Variants in AHRR observed in about 807,000 individuals in gnomAD.
AHRR encodes the protein aryl hydrocarbon receptor repressor.
Under a neutral mutation model 44.0 loss-of-function variants are expected in AHRR, and 28 were observed. That is an observed-to-expected ratio of 0.64 (90% CI 0.47 to 0.87). The LOEUF (loss-of-function observed/expected upper bound fraction) is 0.87. Ranked by LOEUF, AHRR falls within the 40% of genes least tolerant of loss-of-function variation. The probability of loss-of-function intolerance (pLI) is 0.00; values close to 1 mark genes in which losing one functional copy is unlikely to be tolerated. For synonymous variants in AHRR, 434 were observed against 407.0 expected (o/e 1.07, Z -0.80); for missense variants, 990 against 953.9 (o/e 1.04, Z -0.50).
chr5:327,016 G>C (rs1053582959), intron 1 of AHRR, among the ~76,000 whole-genome samples: 1 of 152,182 alleles, frequency 6.6e-6, no homozygotes, highest in Non-Finnish European at 1.5e-5. Context: ...CTGAGATTGA[G>C]CCATTGCACT....
chr5:336,120 T>C (rs1742110661), intron 1 of AHRR, among the ~76,000 whole-genome samples: 1 of 152,238 alleles, frequency 6.6e-6, no homozygotes, highest in Non-Finnish European at 1.5e-5. Context: ...ACCCAGGGCA[T>C]GTTCCCTCCT....
rs1365832924 is a variant in AHRR at position 344,418 on chromosome 5, GCGGTA to G, written c.62+455_62+459del. Among the ~76,000 whole-genome samples, 21 of 33,944 alleles carry G rather than the reference GCGGTA, an allele frequency of 6.2e-4. 4 individuals are homozygous for G. The highest frequency in any genetic ancestry group is 9.2e-4 in the African/African-American group (6 of 6,548). The allele number at this position is 33,944 out of a possible 152,430, so 22.3% of individuals were successfully genotyped here. ...GGTGGGGAGGGCTGCGGGGGTGTGT[GCGGTA>G]TGTGTGAGGCTGTGGGGGGCTGTGT... On this transcript the variant is annotated intron_variant, in intron 2 of 10. Transcript: ENST00000684583.
At position 343,498 on chromosome 5, in the gene AHRR, C is replaced by G. The variant is rs112027543; in HGVS notation, c.-10-395C>G. ...GACGGGAACACGGGATCCCGCGTGA[C>G]GAGTGTTTGGAGGCTGCAGGCTGCC... On this transcript the variant is annotated intron_variant, in intron 1 of 10. Coordinates refer to ENST00000684583, the MANE Select transcript of AHRR (RefSeq NM_001377236.1). The G allele has an allele frequency of 7.5e-4, 180 of 239,702 alleles. 2 individuals carry two copies. Among genetic ancestry groups the G allele is most frequent in the Non-Finnish European group, 1.8e-4 (23 of 127,960 alleles). 14.8% of individuals were successfully genotyped at this position (239,702 alleles called of 1,614,324 possible).
chr5:361,697 A>C (rs550199213), intron 3 of AHRR, among the ~76,000 whole-genome samples: 13 of 152,052 alleles, frequency 8.5e-5, no homozygotes, highest in Non-Finnish European at 1.6e-4. Context: ...CTCTCTTCCT[A>C]CTGGGTCCTG....
At chr5:433,642 GC>G (rs1337699957) in intron 10 of AHRR, among the ~76,000 whole-genome samples, 6 of 152,242 alleles carry the variant, frequency 3.9e-5, no homozygotes, top group Admixed American at 3.3e-4. Flanking sequence ...TTCCTCACTC[GC>G]CCCAGGCACG....
chr5:416,465 G>A (rs1053866653), intron 5 of AHRR, among the ~76,000 whole-genome samples: 6 of 152,260 alleles, frequency 3.9e-5, no homozygotes, highest in Non-Finnish European at 5.9e-5. Context: ...TTGACACCAC[G>A]TGACCACAGG....
intron 4 of AHRR, chr5:403,639 G>GA (rs34565085): frequency 0.65 from 211,532 of 327,440 alleles, 56,058 homozygotes; most frequent in African/African-American, 0.91. Flanking sequence ...CTCCGTTTCA[G>GA]AAAAAAAAAA....
Position 337,145 on chromosome 5 carries a change from A to G in AHRR, c.-10-6748A>G, listed in dbSNP as rs928449411. ...ATATTTTACAAAAATAGAGAAAATT[A>G]TACAAAGAGCTCAATTTTTTCATCA... On this transcript the variant is annotated intron_variant, in intron 1 of 10. Transcript: ENST00000684583. The surrounding 1 kb of genome is among the most constrained non-coding windows in gnomAD (Gnocchi z 4.1). 2.0e-5 allele frequency among the ~76,000 whole-genome samples: 3 copies of G among 152,216 alleles called. No individual in the cohort carries two copies. Among genetic ancestry groups the G allele is most frequent in the Non-Finnish European group, 2.9e-5 (2 of 68,048 alleles).
chr5:332,637 C>T (rs1447503126), intron 1 of AHRR, among the ~76,000 whole-genome samples: 1 of 152,174 alleles, frequency 6.6e-6, no homozygotes, highest in East Asian at 1.9e-4. Flanking sequence ...AAGAACGTAT[C>T]TTCTGCAGTT....
intron 3 of AHRR, among the ~76,000 whole-genome samples, chr5:356,727 G>C (rs370919598): frequency 9.4e-3 from 4 of 424 alleles, no homozygotes; most frequent in Non-Finnish European, 0.011. Flanking sequence ...GCGCCCGGGA[G>C]TGGAGGCCCT....
intron 4 of AHRR, among the ~76,000 whole-genome samples, chr5:402,491 A>C (rs71597639): frequency 4.6e-5 from 5 of 108,034 alleles, no homozygotes; most frequent in South Asian, 2.9e-4. Context: ...AGAGAAGGGG[A>C]CCCTCGTGCA....
chr5:427,781 C>T, intron 7 of AHRR, 26 bp from the exon 8 acceptor site: 1 of 1,612,866 alleles, frequency 6.2e-7, no homozygotes, highest in Non-Finnish European at 8.5e-7. Context: ...GTGAACACGC[C>T]TTCCTCTCTG....
intron 4 of AHRR, among the ~76,000 whole-genome samples, chr5:398,258 G>GCCC: frequency 6.6e-6 from 1 of 150,740 alleles, no homozygotes; most frequent in Non-Finnish European, 1.5e-5. Context: ...CATCCACGTA[G>GCCC]CTCCTGACCA....
In AHRR at chr5:388,984, A is replaced by C. The variant is rs139974696; in HGVS notation, c.351+12268A>C. The stretch of plus-strand genomic sequence containing the variant: ...AGGGCCCCAAGCAGTTGTCACCTGA[A>C]CGGGAGGGCTGGCTGGGGCTCAGGG... On this transcript the variant is annotated intron_variant, in intron 4 of 10. Transcript: ENST00000684583. This position sits in a 1 kb window ranked among gnomAD's most constrained non-coding sequence, Gnocchi z 5.2. Among the ~76,000 whole-genome samples the C allele has an allele frequency of 4.9e-3, 740 of 152,176 alleles. 5 individuals carry two copies. The highest frequency in any genetic ancestry group is 0.017 in the African/African-American group (698 of 41,526).
chr5:322,215 C>A (rs1741521083), intron 1 of AHRR, among the ~76,000 whole-genome samples: 1 of 152,126 alleles, frequency 6.6e-6, no homozygotes, highest in African/African-American at 2.4e-5. Context: ...CCGGGAAAGG[C>A]CCATGTTCAG....
chr5:432,202 C>T, intron 8 of AHRR: 3 of 440,952 alleles, frequency 6.8e-6, no homozygotes, highest in Non-Finnish European at 1.2e-5. Context: ...TGATTTTATC[C>T]TTCTACTTTC....
intron 4 of AHRR, among the ~76,000 whole-genome samples, chr5:398,260 T>TGACCATCCACGTAGCC (rs1734848367): frequency 8.8e-6 from 1 of 113,040 alleles, no homozygotes; most frequent in Non-Finnish European, 1.8e-5. Flanking sequence ...TCCACGTAGC[T>TGACCATCCACGTAGCC]CCTGACCATC....
Position 405,088 on chromosome 5 carries a change from C to A in AHRR, c.352-8256C>A, listed in dbSNP as rs1735198897. ...CCAAGTGTTCCATGGCCCCCTCCCC[C>A]AAAGAAATGCAGCAGGTCTGACATT... On this transcript the variant is annotated intron_variant, in intron 4 of 10. Transcript: ENST00000684583. This position sits in a 1 kb window ranked among gnomAD's most constrained non-coding sequence, Gnocchi z 4.5. 6.6e-6 allele frequency among the ~76,000 whole-genome samples: 1 copy of A among 152,072 alleles called. No homozygotes were observed. Among genetic ancestry groups the A allele is most frequent in the African/African-American group, 2.4e-5 (1 of 41,414 alleles).
In AHRR at chr5:424,014, T is replaced by G. The variant is rs184276391; in HGVS notation, c.708+37T>G. On this transcript the variant is annotated intron_variant, in intron 7 of 10. Transcript: ENST00000684583. ...GGTCCCTGGCAGGGGGCTCCCGACATCTGGGATGCATTCTACCCTGGTGTG... is the reference window on the plus strand; with the variant it reads ...GGTCCCTGGCAGGGGGCTCCCGACAGCTGGGATGCATTCTACCCTGGTGTG... 4.7e-4 allele frequency: 744 copies of G among 1,581,894 alleles called. 16 individuals carry two copies. The East Asian group carries it at 0.016, about 34-fold the overall frequency.
Sources: allele counts gnomAD v4.1 joint callset (sites outside exome capture counted in the v4.1 genomes callset), GRCh38; gene constraint gnomAD v4.1.1; non-coding constraint Gnocchi (gnomAD v3.1); transcripts MANE v1.5; gene names NCBI Gene and HGNC (gene_info 2026-07-23, HGNC 2026-07-21).